SCML2: variants seen among roughly 807,000 people sequenced by gnomAD.
SCML2 encodes sex comb on midleg-like protein 2.
In SCML2, 6 loss-of-function variants were observed where a neutral mutation model predicts 48.4. That is an observed-to-expected ratio of 0.12 (90% CI 0.07 to 0.24). The LOEUF is 0.24. Among genes scored for constraint, SCML2 ranks in the 10% least tolerant of loss-of-function variants. The pLI, the probability that SCML2 is intolerant of heterozygous loss-of-function variation, is 1.00. For synonymous variants in SCML2, 181 were observed against 189.5 expected, an observed-to-expected ratio of 0.95 and a Z score of 0.37; for missense variants, 377 against 528.2, an observed-to-expected ratio of 0.71 and a Z score of 2.81.
At chrX:18,278,300 C>G (rs1927715138) in intron 7 of SCML2, among the ~76,000 whole-genome samples, 1 of 111,800 alleles carries the variant, frequency 8.9e-6, no homozygotes, top group Non-Finnish European at 1.9e-5. Context: ...AGCTGGGAAC[C>G]CTGCACAGGG....
At chrX:18,257,683 T>C (rs1745639143) in intron 10 of SCML2, among the ~76,000 whole-genome samples, 1 of 108,866 alleles carries the variant, frequency 9.2e-6, no homozygotes, top group Non-Finnish European at 1.9e-5. Flanking sequence ...AGGCCAGGAG[T>C]TCACGACTAG....
chrX:18,310,583 TA>T (rs1928919469), intron 6 of SCML2, among the ~76,000 whole-genome samples: 1 of 109,821 alleles, frequency 9.1e-6, no homozygotes, highest in Non-Finnish European at 1.9e-5. Context: ...TTATTTTATT[TA>T]TTTTTTTTCA....
intron 13 of SCML2, among the ~76,000 whole-genome samples, chrX:18,242,901 C>A (rs1318493999): frequency 1.8e-5 from 2 of 112,072 alleles, no homozygotes; most frequent in Non-Finnish European, 3.8e-5. Context: ...AGATCTGTTA[C>A]TCGGGTAAAA....
At position 18,309,792 on chromosome X, in the gene SCML2, G is replaced by A. The variant is rs746442691; in HGVS notation, c.487-4577C>T. Reference sequence around the variant, plus strand: ...AGTTGAGGGTGGAAGGTAGGAGGAGGGTGAGGATCAAAAAACTACCTATCG... The same window carrying A: ...AGTTGAGGGTGGAAGGTAGGAGGAGAGTGAGGATCAAAAAACTACCTATCG... On this transcript the variant is annotated intron_variant, in intron 6 of 14. Coordinates refer to ENST00000251900, the MANE Select transcript of SCML2 (RefSeq NM_006089.3). 3.6e-5 allele frequency among the ~76,000 whole-genome samples: 4 copies of A among 111,102 alleles called. No homozygotes were observed. The South Asian group carries it at 1.5e-3, about 42-fold the overall frequency.
Position 18,319,001 on chromosome X carries a change from A to T in SCML2, c.486+1331T>A, listed in dbSNP as rs949703595. Among the ~76,000 whole-genome samples the T allele has an allele frequency of 7.1e-5, 8 of 112,105 alleles. No homozygotes were observed. In the Admixed American group the frequency reaches 7.6e-4, roughly 11 times the overall value. On this transcript the variant is annotated intron_variant, in intron 6 of 14. Coordinates refer to ENST00000251900, the MANE Select transcript of SCML2 (RefSeq NM_006089.3). ...TAGGCCCTAATCCAATATGACTGAC[A>T]TCCTTATAAGAGGAACAAATTGGAC...
chrX:18,290,379 G>A (rs1928193296), intron 7 of SCML2, among the ~76,000 whole-genome samples: 1 of 111,467 alleles, frequency 9.0e-6, no homozygotes, highest in African/African-American at 3.3e-5. Context: ...CCTCCTCCAC[G>A]GTTCCCTTTG....
intron 6 of SCML2, among the ~76,000 whole-genome samples, chrX:18,318,927 G>T (rs1234970352): frequency 8.9e-6 from 1 of 111,967 alleles, no homozygotes; most frequent in African/African-American, 3.3e-5. Flanking sequence ...ATGGTATTTG[G>T]ACACAGGGTC....
chrX:18,343,091 G>T, intron 1 of SCML2, among the ~76,000 whole-genome samples: 1 of 109,737 alleles, frequency 9.1e-6, no homozygotes, highest in East Asian at 2.9e-4. Flanking sequence ...ATTTTCTGGG[G>T]TTTTTTGTTT....
In SCML2 at chrX:18,305,050, T is replaced by C. The variant is rs1602121080; in HGVS notation, c.652A>G (p.Lys218Glu). ...GGGAAAATATCTCGAGAATCATACT[T>C]GCACCAGTAATCAAAAGCTCCACTC... ...GWSGAFDYWC[K>E]YDSRDIFPAG... The change falls in exon 7 of 15, where the codon AAG becomes GAG. Residue 218 changes from lysine to glutamate, a missense_variant. By Grantham distance (56) the Lys-to-Glu change is moderately conservative. Around this residue, in one of 3 missense-constraint regions of SCML2, gnomAD observed 299 missense variants for 425.5 expected, o/e 0.70. Transcript: ENST00000251900. 2 of 1,211,327 alleles carry C rather than the reference T, an allele frequency of 1.7e-6. No homozygotes were observed. Among genetic ancestry groups the C allele is most frequent in the Non-Finnish European group, 2.2e-6 (2 of 895,204 alleles).
intron 13 of SCML2, 108 bp from the exon 14 acceptor site, chrX:18,242,698 G>T: frequency 1.2e-6 from 1 of 845,475 alleles, no homozygotes; most frequent in East Asian, 3.4e-5. Flanking sequence ...CTTTTGTTAA[G>T]TTCCCCAACA....
At chrX:18,253,489 G>A (rs1926737018) in intron 11 of SCML2, among the ~76,000 whole-genome samples, 1 of 111,339 alleles carries the variant, frequency 9.0e-6, no homozygotes, top group Non-Finnish European at 1.9e-5. Flanking sequence ...AAGAAAACAG[G>A]AAAAATGGAC....
At chrX:18,352,343 C>T (rs776350220) in intron 1 of SCML2, among the ~76,000 whole-genome samples, 2 of 111,863 alleles carry the variant, frequency 1.8e-5, no homozygotes, top group South Asian at 3.7e-4. Context: ...TCAAGCTTAA[C>T]CAGTATGTTA....
At chrX:18,273,610 G>A (rs1260396778) in intron 7 of SCML2, among the ~76,000 whole-genome samples, 3 of 111,336 alleles carry the variant, frequency 2.7e-5, no homozygotes, top group Non-Finnish European at 5.7e-5. Flanking sequence ...CTTGATTCAG[G>A]ACCTCATAAT....
intron 1 of SCML2, among the ~76,000 whole-genome samples, chrX:18,339,198 T>C (rs967397742): frequency 1.8e-5 from 2 of 111,752 alleles, no homozygotes; most frequent in African/African-American, 6.5e-5. Flanking sequence ...CTAAATTAAA[T>C]TGCTCTTATA....
intron 8 of SCML2, 120 bp downstream of exon 8, chrX:18,265,465 T>A (rs1927224374): frequency 5.5e-6 from 3 of 549,296 alleles, no homozygotes; most frequent in Non-Finnish European, 8.9e-6. Flanking sequence ...AAAGCCTACA[T>A]ACTCTTAGTA....
intron 6 of SCML2, among the ~76,000 whole-genome samples, chrX:18,309,200 C>CA (rs34188571): frequency 0.041 from 2,108 of 51,456 alleles, 76 homozygotes; most frequent in African/African-American, 0.11. Flanking sequence ...GACTCTGTCT[C>CA]AAAAAAAAAA....
chrX:18,285,124 T>G, intron 7 of SCML2, among the ~76,000 whole-genome samples: 1 of 110,952 alleles, frequency 9.0e-6, no homozygotes, highest in Middle Eastern at 4.7e-3. Flanking sequence ...ATAAATTAGT[T>G]CAGCCATTGT....
chrX:18,276,435 T>C (rs1927641117), intron 7 of SCML2, among the ~76,000 whole-genome samples: 1 of 111,666 alleles, frequency 9.0e-6, no homozygotes, highest in Admixed American at 9.4e-5. Flanking sequence ...AATTGGTAGC[T>C]CATATGGTAG....
intron 1 of SCML2, among the ~76,000 whole-genome samples, chrX:18,337,558 A>G (rs2147559203): frequency 9.0e-6 from 1 of 110,673 alleles, no homozygotes; most frequent in East Asian, 2.8e-4. Context: ...GTCAATACTC[A>G]AAAAAGATAT....
Sources: gnomAD v4.1 joint callset for allele counts (sites outside exome capture counted in the v4.1 genomes callset) on GRCh38, gnomAD v4.1.1 for gene constraint, gnomAD v4.1.1 regional missense constraint, MANE v1.5 for transcripts, NCBI Gene and HGNC (gene_info 2026-07-23, HGNC 2026-07-21) for gene names.